Variants in SDK1 observed in about 807,000 individuals in gnomAD.
SDK1 encodes the protein protein sidekick-1.
A neutral mutation model predicts 245.5 loss-of-function variants in SDK1; 157 were observed. The observed-to-expected ratio is 0.64, with a 90% CI of 0.56 to 0.73. The LOEUF (loss-of-function observed/expected upper bound fraction) is 0.73. SDK1 is among the 30% of genes least tolerant of loss of function. The pLI, the probability that SDK1 is intolerant of heterozygous loss-of-function variation, is 0.00. For synonymous variants in SDK1, 1,647 were observed against 1,278.5 expected (o/e 1.29, Z -6.15); for missense variants, 3,583 against 3,002.3 (o/e 1.19, Z -4.52).
rs149126108 is a variant in SDK1, at chr7:3,424,114, G to A, written c.298+122230G>A. On this transcript the variant is annotated intron_variant, in intron 1 of 44. Coordinates refer to ENST00000404826, the MANE Select transcript of SDK1 (RefSeq NM_152744.4). ...TTTAGTAGAGATGGGGTTTCACCAT[G>A]TTTGCCAGGCTGGTCTCAAACTCGT... Among the ~76,000 whole-genome samples the A allele has an allele frequency of 7.1e-3, 1,083 of 152,190 alleles. 12 individuals carry two copies. Among genetic ancestry groups the A allele is most frequent in the African/African-American group, 0.025 (1,037 of 41,532 alleles).
At chr7:3,854,872 A>G (rs914175024) in intron 5 of SDK1, among the ~76,000 whole-genome samples, 1 of 152,212 alleles carries the variant, frequency 6.6e-6, no homozygotes, top group Non-Finnish European at 1.5e-5. Flanking sequence ...ACAAAGTTGG[A>G]TTGAAAAGAA....
Position 4,210,154 on chromosome 7 carries a change from C to T in SDK1, c.5531C>T (p.Pro1844Leu). The T allele has an allele frequency of 1.3e-6, 2 of 1,575,164 alleles. No individual in the cohort carries two copies. Among genetic ancestry groups the T allele is most frequent in the Admixed American group, 1.9e-5 (1 of 52,094 alleles). ...CGGGTGGTGTACGAGCCCTTGGCCC[C>T]TGTACAAGGTAAGACCCGGGGTTGG... is the stretch of plus-strand genomic sequence containing the variant. ...GYRVVYEPLA[P>L]VQGVSKVVTV... The change falls in exon 38 of 45, where the codon CCT (proline) becomes CTT (leucine). Residue 1844 changes from proline (P) to leucine (L), a missense_variant. Coordinates refer to ENST00000404826, the MANE Select transcript of SDK1 (RefSeq NM_152744.4).
At chr7:3,320,022 G>A (rs1779762389) in intron 1 of SDK1, among the ~76,000 whole-genome samples, 2 of 151,772 alleles carry the variant, frequency 1.3e-5, no homozygotes, top group East Asian at 1.9e-4. Flanking sequence ...GTGGTGGAGG[G>A]ATATGATGAG....
chr7:3,535,032 G>C (rs914659485), intron 1 of SDK1, among the ~76,000 whole-genome samples: 3 of 152,154 alleles, frequency 2.0e-5, no homozygotes, highest in Non-Finnish European at 4.4e-5. Context: ...CCAGCACTTT[G>C]GGAGGCCAAG....
chr7:3,447,054 A>G (rs1445295914), intron 1 of SDK1, among the ~76,000 whole-genome samples: 1 of 152,230 alleles, frequency 6.6e-6, no homozygotes, highest in African/African-American at 2.4e-5. Flanking sequence ...GGGACCGATT[A>G]TAGAGCTCTG....
At chr7:4,116,055 G>A (rs1783685219) in intron 25 of SDK1, among the ~76,000 whole-genome samples, 1 of 152,156 alleles carries the variant, frequency 6.6e-6, no homozygotes, top group South Asian at 2.1e-4. Flanking sequence ...GTTTAAAAGG[G>A]AGGAAAGCAT....
intron 1 of SDK1, among the ~76,000 whole-genome samples, chr7:3,352,792 A>G (rs1328698777): frequency 6.6e-6 from 1 of 151,950 alleles, no homozygotes; most frequent in Non-Finnish European, 1.5e-5. Context: ...TCTTTTCACA[A>G]AGTTCTGAGG....
At chr7:3,909,769 C>T (rs1032278148) in intron 5 of SDK1, among the ~76,000 whole-genome samples, 1 of 152,192 alleles carries the variant, frequency 6.6e-6, no homozygotes, top group East Asian at 1.9e-4. Flanking sequence ...TTCTCATGGT[C>T]GATGGCTTTA....
intron 5 of SDK1, among the ~76,000 whole-genome samples, chr7:3,929,490 A>G (rs1020250840): frequency 6.6e-5 from 10 of 152,198 alleles, no homozygotes; most frequent in Non-Finnish European, 1.3e-4. Context: ...AGGAACCTAT[A>G]AATAGGGCTC....
At chr7:3,734,819 A>G (rs1156628398) in intron 4 of SDK1, among the ~76,000 whole-genome samples, 1 of 152,216 alleles carries the variant, frequency 6.6e-6, no homozygotes, top group Non-Finnish European at 1.5e-5. Flanking sequence ...TAGTATTGTT[A>G]GGATTAGCCA....
At chr7:3,966,278 C>T (rs1334308777) in intron 9 of SDK1, among the ~76,000 whole-genome samples, 1 of 152,152 alleles carries the variant, frequency 6.6e-6, no homozygotes, top group African/African-American at 2.4e-5. Flanking sequence ...TCAGCAGGTG[C>T]AGGCAGAGGC....
intron 1 of SDK1, among the ~76,000 whole-genome samples, chr7:3,378,585 CCT>C (rs1781408879): frequency 6.6e-6 from 1 of 152,080 alleles, no homozygotes; most frequent in South Asian, 2.1e-4. Context: ...GCCCTCTTAA[CCT>C]CTCTGCTGTC....
chr7:3,618,048 T>C (rs1028477028), intron 1 of SDK1, among the ~76,000 whole-genome samples: 3 of 152,180 alleles, frequency 2.0e-5, no homozygotes, highest in Non-Finnish European at 4.4e-5. Flanking sequence ...CATATAATCC[T>C]GTTTATTTTG....
chr7:3,656,543 C>T (rs1358798000), intron 4 of SDK1, among the ~76,000 whole-genome samples: 1 of 152,034 alleles, frequency 6.6e-6, no homozygotes, highest in Non-Finnish European at 1.5e-5. Context: ...CTTTGTAATG[C>T]TGTTTAATTC....
At chr7:4,261,515 T>C (rs1423898674) in intron 44 of SDK1, among the ~76,000 whole-genome samples, 1 of 152,064 alleles carries the variant, frequency 6.6e-6, no homozygotes, top group Non-Finnish European at 1.5e-5. Flanking sequence ...GGCCCACATC[T>C]GGGGCCACAG....
chr7:3,552,232 T>C (rs897441671), intron 1 of SDK1, among the ~76,000 whole-genome samples: 1 of 151,906 alleles, frequency 6.6e-6, no homozygotes, highest in African/African-American at 2.4e-5. Flanking sequence ...AGAGACGGGG[T>C]TTCACTGTAT....
At chr7:3,539,712 A>G (rs1285341858) in intron 1 of SDK1, among the ~76,000 whole-genome samples, 1 of 152,266 alleles carries the variant, frequency 6.6e-6, no homozygotes, top group African/African-American at 2.4e-5. Context: ...CATGGCAGTC[A>G]TCCACATCAG....
intron 4 of SDK1, among the ~76,000 whole-genome samples, chr7:3,707,758 T>G (rs1443753943): frequency 6.6e-6 from 1 of 152,210 alleles, no homozygotes; most frequent in African/African-American, 2.4e-5. Flanking sequence ...AACTTAGGAT[T>G]GTAATTCTTC....
chr7:3,744,827 CAAAAA>C (rs912254384), intron 4 of SDK1, among the ~76,000 whole-genome samples: 9 of 146,436 alleles, frequency 6.1e-5, no homozygotes, highest in African/African-American at 2.3e-4. Context: ...AACAAACAAA[CAAAAA>C]AAAACAAAAA....
Sources: gnomAD v4.1 joint callset for allele counts (sites outside exome capture counted in the v4.1 genomes callset) on GRCh38, gnomAD v4.1.1 for gene constraint, MANE v1.5 for transcripts, NCBI Gene and HGNC (gene_info 2026-07-23, HGNC 2026-07-21) for gene names.